The following RNF144A variants were observed in gnomAD, a reference collection of about 807,000 sequenced individuals.
The protein encoded by RNF144A is E3 ubiquitin-protein ligase RNF144A.
In RNF144A, 11 loss-of-function variants were observed where a neutral mutation model predicts 38.7. The ratio of observed to expected loss-of-function variants is 0.28; its 90% confidence interval spans 0.18 to 0.47. RNF144A has a LOEUF of 0.47. Ranked by LOEUF, RNF144A falls within the 20% of genes least tolerant of loss-of-function variation. The pLI is 0.99. For missense variants in RNF144A, 316 were observed against 377.2 expected (o/e 0.84, Z 1.34); for synonymous variants, 149 against 143.9 (o/e 1.04, Z -0.25).
At chr2:6,952,692 T>A (rs1666762513) in intron 2 of RNF144A, among the ~76,000 whole-genome samples, 1 of 151,594 alleles carries the variant, frequency 6.6e-6, no homozygotes, top group East Asian at 1.9e-4. Context: ...TCCAGATGTG[T>A]ATTTCTATTT....
chr2:7,017,059 G>A (rs1184573583), intron 5 of RNF144A, among the ~76,000 whole-genome samples: 2 of 152,180 alleles, frequency 1.3e-5, no homozygotes, highest in Non-Finnish European at 2.9e-5. Context: ...TCTGGGTAGG[G>A]ACAGATTCTT....
chr2:6,933,738 G>T (rs1314537468), intron 1 of RNF144A, among the ~76,000 whole-genome samples: 1 of 151,764 alleles, frequency 6.6e-6, no homozygotes, highest in African/African-American at 2.4e-5. Context: ...TGTGTTCACA[G>T]ATGGGATCAT....
At chr2:6,930,489 C>T (rs939069024) in intron 1 of RNF144A, among the ~76,000 whole-genome samples, 2 of 151,988 alleles carry the variant, frequency 1.3e-5, no homozygotes, top group South Asian at 2.1e-4. Context: ...CATATATATA[C>T]ACACACATGC....
chr2:7,001,919 C>G (rs1166240804), intron 3 of RNF144A, among the ~76,000 whole-genome samples: 1 of 152,186 alleles, frequency 6.6e-6, no homozygotes, highest in East Asian at 1.9e-4. Context: ...GTTTATTCAT[C>G]TCTAAAATAT....
intron 7 of RNF144A, among the ~76,000 whole-genome samples, chr2:7,025,361 T>C (rs1471231934): frequency 1.3e-5 from 2 of 152,236 alleles, no homozygotes; most frequent in African/African-American, 4.8e-5. Flanking sequence ...GAATAATTTA[T>C]TGATGCATAC....
chr2:7,021,103 G>A (rs1033578081), intron 6 of RNF144A, among the ~76,000 whole-genome samples: 9 of 152,158 alleles, frequency 5.9e-5, no homozygotes, highest in African/African-American at 1.9e-4. Flanking sequence ...GTCTGGAGGG[G>A]GATGGGGAGA....
At position 7,035,182 on chromosome 2, in the gene RNF144A, C is replaced by T. The variant is rs150066407; in HGVS notation, c.748-4447C>T. On this transcript the variant is annotated intron_variant, in intron 8 of 8. Transcript: ENST00000320892. ...TCTCTCTTGCCCTGTTTTGTTCCTTCTCCCTGTCAAGCTATATCCCTCCCA... is the reference window on the plus strand; with the variant it reads ...TCTCTCTTGCCCTGTTTTGTTCCTTTTCCCTGTCAAGCTATATCCCTCCCA... 2.5e-3 allele frequency among the ~76,000 whole-genome samples: 383 copies of T among 152,292 alleles called. 2 individuals are homozygous for T. The highest frequency in any genetic ancestry group is 0.017 in the Middle Eastern group (5 of 294).
At position 7,042,658 on chromosome 2, in the gene RNF144A, A is replaced by G. The variant is rs952202771; in HGVS notation, c.*2898A>G. The G allele has an allele frequency of 2.0e-5, 20 of 985,486 alleles. 1 individual carries two copies. In the African/African-American group the frequency reaches 3.3e-4, roughly 16 times the overall value. 61.0% of individuals were successfully genotyped at this position (985,486 alleles called of 1,614,324 possible). ...AGTCTGGCTCTGCTGTGTAGTCCAT[A>G]GCCCAGCCAGATGAGCTTGCAGCCT... On this transcript the variant is annotated 3_prime_UTR_variant, in exon 9 of 9. Coordinates refer to ENST00000320892, the MANE Select transcript of RNF144A (RefSeq NM_014746.6).
downstream of RNF144A, among the ~76,000 whole-genome samples, chr2:7,048,602 G>A (rs114813240): frequency 4.2e-3 from 637 of 152,320 alleles, 10 homozygotes; most frequent in African/African-American, 0.014. Flanking sequence ...CAGAAAGGGT[G>A]TTAGGGAGAC....
chr2:6,969,835 C>T (rs1357991753), intron 2 of RNF144A, among the ~76,000 whole-genome samples: 3 of 152,200 alleles, frequency 2.0e-5, no homozygotes, highest in African/African-American at 4.8e-5. Flanking sequence ...GATCTCGGCT[C>T]ACTGCAAACT....
intron 6 of RNF144A, among the ~76,000 whole-genome samples, chr2:7,054,522 A>G (rs548289368): frequency 2.6e-5 from 4 of 152,284 alleles, no homozygotes; most frequent in East Asian, 1.9e-4. Flanking sequence ...GGCAAATCCA[A>G]TCTGTTGCCA....
intron 5 of RNF144A, among the ~76,000 whole-genome samples, chr2:7,016,756 T>G (rs1189007367): frequency 6.6e-6 from 1 of 152,102 alleles, no homozygotes; most frequent in Admixed American, 6.6e-5. Flanking sequence ...AAGCAAATTT[T>G]GACTGTCTCT....
At chr2:7,044,652 C>T (rs947748058), downstream of RNF144A, among the ~76,000 whole-genome samples, 1 of 152,214 alleles carries the variant, frequency 6.6e-6, no homozygotes. Context: ...ATGGATCCTT[C>T]TCATTTCGTA....
At chr2:7,065,403 G>T (rs1303454785) in intron 6 of RNF144A, among the ~76,000 whole-genome samples, 1 of 152,202 alleles carries the variant, frequency 6.6e-6, no homozygotes, top group Non-Finnish European at 1.5e-5. Flanking sequence ...AGAGAGGCAG[G>T]TTCCTCAAAA....
rs150557078 is a variant in RNF144A, at chr2:7,041,636, C to T, written c.*1876C>T. On this transcript the variant is annotated 3_prime_UTR_variant, in exon 9 of 9. Transcript: ENST00000320892. ...GAGTCATTGGCTGGGCTTGAGCCCT[C>T]AGCCTGTGATATGTGGATGCAGCTG... is the stretch of plus-strand genomic sequence containing the variant. 2.0e-3 allele frequency: 2,015 copies of T among 985,696 alleles called. 5 individuals are homozygous for T. The highest frequency in any genetic ancestry group is 2.3e-3 in the Non-Finnish European group (1,941 of 829,996). The allele number at this position is 985,696 out of a possible 1,614,324, so 61.1% of individuals were successfully genotyped here.
intron 2 of RNF144A, among the ~76,000 whole-genome samples, chr2:6,994,352 A>G (rs923683262): frequency 2.0e-5 from 3 of 152,214 alleles, no homozygotes. Flanking sequence ...ATTTTAAAAT[A>G]TAATTATCAT....
At chr2:6,971,100 G>A (rs901002519) in intron 2 of RNF144A, among the ~76,000 whole-genome samples, 1 of 152,170 alleles carries the variant, frequency 6.6e-6, no homozygotes, top group Non-Finnish European at 1.5e-5. Context: ...GAAATACTCA[G>A]TGACTGTGTC....
downstream of RNF144A, among the ~76,000 whole-genome samples, chr2:7,045,862 T>A (rs536525077): frequency 4.6e-5 from 7 of 152,100 alleles, no homozygotes; most frequent in East Asian, 1.4e-3. Flanking sequence ...TACGCTGGGT[T>A]GCACATCAAT....
At chr2:6,937,452 A>G (rs1665664521) in intron 1 of RNF144A, among the ~76,000 whole-genome samples, 2 of 152,210 alleles carry the variant, frequency 1.3e-5, no homozygotes, top group Admixed American at 6.5e-5. Context: ...TTTATAATGC[A>G]GCTGGGAAAG....
Sources: allele counts gnomAD v4.1 joint callset (sites outside exome capture counted in the v4.1 genomes callset), GRCh38; gene constraint gnomAD v4.1.1; transcripts MANE v1.5; gene names NCBI Gene and HGNC (gene_info 2026-07-23, HGNC 2026-07-21).